Variants in AFTPH observed in about 807,000 individuals in gnomAD.
AFTPH encodes aftiphilin, also known as aftiphilin protein.
A neutral mutation model predicts 72.5 loss-of-function variants in AFTPH; 7 were observed. That is an observed-to-expected ratio of 0.10 (90% CI 0.05 to 0.18). The LOEUF is 0.18. Ranked by LOEUF, AFTPH falls within the 10% of genes least tolerant of loss-of-function variation. The pLI is 1.00. For synonymous variants in AFTPH, 337 were observed against 370.1 expected (o/e 0.91, Z 1.03); for missense variants, 979 against 1,060.5 (o/e 0.92, Z 1.07).
At chr2:64,531,246 A>T (rs768271109) in intron 1 of AFTPH, among the ~76,000 whole-genome samples, 2 of 152,050 alleles carry the variant, frequency 1.3e-5, no homozygotes, top group Non-Finnish European at 2.9e-5. Context: ...ATTGTTGATT[A>T]TTTTCATAGG....
intron 7 of AFTPH, chr2:64,579,821 G>C (rs1673060487): frequency 3.3e-6 from 1 of 304,816 alleles, no homozygotes; most frequent in Non-Finnish European, 5.9e-6. Flanking sequence ...TATCTAGGTA[G>C]TTTAAAAGGT....
At chr2:64,525,291 T>A (rs552148791) in intron 1 of AFTPH, among the ~76,000 whole-genome samples, 2 of 152,306 alleles carry the variant, frequency 1.3e-5, no homozygotes, top group Non-Finnish European at 2.9e-5. Context: ...GCGTCTTGCT[T>A]GGGGCAGAGG....
At chr2:64,525,025 G>GTT (rs1669167968) in intron 1 of AFTPH, among the ~76,000 whole-genome samples, 1 of 152,234 alleles carries the variant, frequency 6.6e-6, no homozygotes, top group African/African-American at 2.4e-5. Context: ...CTCGTGACAG[G>GTT]TGTAAACACT....
At chr2:64,545,086 G>A (rs902124098) in intron 1 of AFTPH, among the ~76,000 whole-genome samples, 1 of 152,024 alleles carries the variant, frequency 6.6e-6, no homozygotes, top group African/African-American at 2.4e-5. Context: ...TTTGGAATAG[G>A]TTGTGAACCA....
intron 7 of AFTPH, among the ~76,000 whole-genome samples, chr2:64,581,630 C>A (rs1333183245): frequency 1.4e-5 from 2 of 145,866 alleles, no homozygotes; most frequent in African/African-American, 5.6e-5. Context: ...GAAAAAAATA[C>A]AAGTTTAGAG....
At chr2:64,586,991 G>C (rs1335768934) in intron 8 of AFTPH, among the ~76,000 whole-genome samples, 1 of 151,994 alleles carries the variant, frequency 6.6e-6, no homozygotes, top group Non-Finnish European at 1.5e-5. Context: ...TCCTTCCTTT[G>C]TTTCCCCTGC....
intron 6 of AFTPH, among the ~76,000 whole-genome samples, chr2:64,574,861 A>G (rs1265913004): frequency 1.3e-5 from 2 of 152,202 alleles, no homozygotes; most frequent in Non-Finnish European, 2.9e-5. Context: ...TGCCCTGTCT[A>G]TGCATATTTC....
chr2:64,529,100 A>G (rs1399567776), intron 1 of AFTPH, among the ~76,000 whole-genome samples: 1 of 152,186 alleles, frequency 6.6e-6, no homozygotes, highest in East Asian at 1.9e-4. Context: ...TTTTAAACTC[A>G]GAAAGCTTAC....
At chr2:64,526,594 T>C (rs775994865) in intron 1 of AFTPH, among the ~76,000 whole-genome samples, 14 of 152,242 alleles carry the variant, frequency 9.2e-5, no homozygotes, top group Non-Finnish European at 1.3e-4. Flanking sequence ...AGTGAACCTT[T>C]CTAGCCGGAA....
intron 2 of AFTPH, among the ~76,000 whole-genome samples, chr2:64,561,531 A>T (rs912394667): frequency 6.6e-6 from 1 of 152,120 alleles, no homozygotes; most frequent in African/African-American, 2.4e-5. Context: ...AAAAAATAAA[A>T]ATTAGCCAGG....
At chr2:64,526,452 A>G (rs1669270779) in intron 1 of AFTPH, among the ~76,000 whole-genome samples, 1 of 152,188 alleles carries the variant, frequency 6.6e-6, no homozygotes, top group South Asian at 2.1e-4. Context: ...GTATTTAGAT[A>G]TTTTTTAATC....
rs143143572 is a variant in AFTPH, at chr2:64,568,320, T to C, written c.2087+607T>C. Among the ~76,000 whole-genome samples the C allele has an allele frequency of 1.9e-3, 293 of 152,318 alleles. 4 individuals are homozygous for C. Among genetic ancestry groups the C allele is most frequent in the African/African-American group, 6.5e-3 (269 of 41,558 alleles). On this transcript the variant is annotated intron_variant, in intron 3 of 8. Transcript: ENST00000238856. Reference sequence around the variant, plus strand: ...TGTTGACTCAAGCCACTGTTTTCTTTATAGTACAACTTCTTCCTGGACTTC... The same window carrying C: ...TGTTGACTCAAGCCACTGTTTTCTTCATAGTACAACTTCTTCCTGGACTTC...
At chr2:64,591,513 T>C (rs1179007206) in intron 8 of AFTPH, among the ~76,000 whole-genome samples, 1 of 152,190 alleles carries the variant, frequency 6.6e-6, no homozygotes, top group Non-Finnish European at 1.5e-5. Flanking sequence ...AAAACCCAGT[T>C]AGGTGGAGTG....
At chr2:64,573,102 TGC>T in intron 6 of AFTPH, 34 bp downstream of exon 6, 1 of 1,549,294 alleles carries the variant, frequency 6.5e-7, no homozygotes, top group Non-Finnish European at 8.9e-7. Flanking sequence ...AATATGTTTA[TGC>T]GTGTATATAC....
chr2:64,581,361 TAGATTGTATTCTCTA>T (rs1673185228), intron 7 of AFTPH, 88 bp downstream of exon 8: 1 of 1,047,054 alleles, frequency 9.6e-7, no homozygotes, highest in African/African-American at 1.7e-5. Context: ...AGGAAACAAG[TAGATTGTATTCTCTA>T]TAATGTCTTT....
rs367691946 is a variant in AFTPH at position 64,548,352 on chromosome 2, C to T, written c.-32-3091C>T. 9.5e-5 allele frequency among the ~76,000 whole-genome samples: 13 copies of T among 136,566 alleles called. No homozygotes were observed. In the South Asian group the frequency reaches 1.6e-3, roughly 17 times the overall value. 89.6% of individuals were successfully genotyped at this position (136,566 alleles called of 152,430 possible). On this transcript the variant is annotated intron_variant, in intron 1 of 8. Coordinates refer to ENST00000238856, the Ensembl canonical transcript of AFTPH. ...AGCTTGCAGTGAGCCGAGATTGCGC[C>T]ACTGCAGTCCGCAGTCAGGCCTGGG...
intron 3 of AFTPH, among the ~76,000 whole-genome samples, 192 bp downstream of exon 3, chr2:64,567,905 G>A (rs1672182112): frequency 6.6e-6 from 1 of 152,102 alleles, no homozygotes; most frequent in South Asian, 2.1e-4. Flanking sequence ...AGCAGGGTAT[G>A]GTGGCACATG....
intron 6 of AFTPH, among the ~76,000 whole-genome samples, chr2:64,575,944 G>A (rs1441308757): frequency 6.6e-6 from 1 of 151,596 alleles, no homozygotes; most frequent in African/African-American, 2.4e-5. Flanking sequence ...TCACCATGTT[G>A]GCCAGGCTGG....
intron 1 of AFTPH, among the ~76,000 whole-genome samples, chr2:64,548,739 G>A (rs79219935): frequency 6.6e-6 from 1 of 151,998 alleles, no homozygotes. Flanking sequence ...ACACTAATTA[G>A]AAGGGGTTAT....
Sources: allele counts gnomAD v4.1 joint callset (sites outside exome capture counted in the v4.1 genomes callset), GRCh38; gene constraint gnomAD v4.1.1; transcripts MANE v1.5; gene names NCBI Gene and HGNC (gene_info 2026-07-23, HGNC 2026-07-21).